Variants in PHF12 observed in about 807,000 individuals in gnomAD.
PHF12 encodes PHD finger protein 12.
PHF12 carries 6 observed loss-of-function variants against 99.8 expected under a neutral mutation model. That is an observed-to-expected ratio of 0.06 (90% CI 0.03 to 0.12). The LOEUF (loss-of-function observed/expected upper bound fraction) is 0.12, where lower values mean the gene tolerates loss of function less well. Ranked by LOEUF, PHF12 falls within the 10% of genes least tolerant of loss-of-function variation. PHF12 has a pLI of 1.00. For missense variants in PHF12, 954 were observed against 1,300.1 expected (o/e 0.73, Z 4.09); for synonymous variants, 480 against 514.9 (o/e 0.93, Z 0.92).
At chr17:28,944,237 A>G (rs969864990) in intron 2 of PHF12, among the ~76,000 whole-genome samples, 13 of 152,264 alleles carry the variant, frequency 8.5e-5, no homozygotes, top group Admixed American at 8.5e-4. Flanking sequence ...CTTAAGGAAC[A>G]GCAGCAGATT....
chr17:28,905,380 A>G lies in PHF12; in HGVS notation c.*803T>C. 6.5e-6 allele frequency: 1 copy of G among 152,770 alleles called. No individual in the cohort carries two copies. The allele number at this position is 152,770 out of a possible 1,614,324, so 9.5% of individuals were successfully genotyped here. A position where few individuals can be genotyped will look rare whatever the true frequency, so the allele number is the denominator to read the frequency against. On this transcript the variant is annotated 3_prime_UTR_variant, in exon 15 of 15. Transcript: ENST00000332830. ...AGAGGAGGGAACCAGGGGCAGGAGG[A>G]AGAGGAGAGAAGTGGCAAGAGAACA...
intron 11 of PHF12, 181 bp from the exon 12 acceptor site, chr17:28,909,062 C>A: frequency 1.6e-6 from 1 of 612,938 alleles, no homozygotes; most frequent in Non-Finnish European, 2.9e-6. Flanking sequence ...TCCCCACCCA[C>A]AGCATTTCCA....
At chr17:28,914,382 A>G (rs2040022674) in intron 7 of PHF12, among the ~76,000 whole-genome samples, 1 of 152,092 alleles carries the variant, frequency 6.6e-6, no homozygotes, top group South Asian at 2.1e-4. Context: ...TGAGAGATAA[A>G]AATGCTTAGG....
In PHF12 at chr17:28,912,665, C is replaced by T. The variant is rs762746936; in HGVS notation, c.1906G>A (p.Glu636Lys). 20 of 1,614,124 alleles carry T rather than the reference C, an allele frequency of 1.2e-5. No individual in the cohort carries two copies. The highest frequency in any genetic ancestry group is 1.2e-4 in the South Asian group (11 of 91,080). ...TTTCTTTGCAAAGTGCTGGTGTTCT[C>T]GATGCTGGCACAAGAGCTGGGAATG... ...PSIPSSCASIENTSTLQRKTV... is the reference protein window; with the variant it reads ...PSIPSSCASIKNTSTLQRKTV... The change falls in exon 9 of 15, where the codon GAG becomes AAG. Residue 636 changes from glutamate to lysine, a missense_variant. This residue lies in a region of PHF12 where 392 missense variants were observed against 423.1 expected (regional missense o/e 0.93). Coordinates refer to ENST00000332830, the MANE Select transcript of PHF12 (RefSeq NM_001033561.2).
chr17:28,922,572 T>A (rs947040011), intron 4 of PHF12, among the ~76,000 whole-genome samples: 2 of 152,180 alleles, frequency 1.3e-5, no homozygotes, highest in African/African-American at 4.8e-5. Context: ...CTATATAGTT[T>A]TGACCCAGCA....
At chr17:28,923,651 CACAAAAA>C (rs1470235340) in intron 4 of PHF12, among the ~76,000 whole-genome samples, 28 of 21,946 alleles carry the variant, frequency 1.3e-3, no homozygotes, top group Middle Eastern at 0.025. Context: ...AAGTGAGACT[CACAAAAA>C]AAAAAAAAAA....
intron 4 of PHF12, 86 bp downstream of exon 4, chr17:28,923,823 C>T (rs929109530): frequency 1.4e-6 from 2 of 1,449,938 alleles, no homozygotes; most frequent in African/African-American, 1.4e-5. Flanking sequence ...GCTACATGAA[C>T]AGTGACTCCA....
At chr17:28,929,605 CT>C (rs1279608121) in intron 2 of PHF12, 2 of 152,196 alleles carry the variant, frequency 1.3e-5, no homozygotes, top group Non-Finnish European at 2.9e-5. Context: ...TAAAATAGCA[CT>C]TGACTTGGCA....
chr17:28,911,044 T>C, intron 10 of PHF12, 68 bp downstream of exon 10: 1 of 1,600,416 alleles, frequency 6.2e-7, no homozygotes, highest in South Asian at 1.1e-5. Flanking sequence ...TGAAATGAGC[T>C]GAATGCTGTA....
chr17:28,930,032 T>G (rs975148742), intron 2 of PHF12: 15 of 152,228 alleles, frequency 9.9e-5, no homozygotes, highest in African/African-American at 3.4e-4. Flanking sequence ...ATATCCTACA[T>G]CAAACATTTA....
chr17:28,921,175 C>T (rs144653825), intron 5 of PHF12, among the ~76,000 whole-genome samples: 2,475 of 150,510 alleles, frequency 0.016, 59 homozygotes, highest in African/African-American at 0.057. Flanking sequence ...TGTGCCACAG[C>T]GCCCGGCCCC....
chr17:28,932,313 G>A (rs1469388939), intron 2 of PHF12, among the ~76,000 whole-genome samples: 1 of 152,048 alleles, frequency 6.6e-6, no homozygotes, highest in Non-Finnish European at 1.5e-5. Flanking sequence ...TATATTTTTT[G>A]TAGAAATAGG....
At chr17:28,946,833 C>T (rs935922930) in intron 2 of PHF12, among the ~76,000 whole-genome samples, 4 of 152,134 alleles carry the variant, frequency 2.6e-5, no homozygotes, top group African/African-American at 7.2e-5. Flanking sequence ...CCACCATACT[C>T]GGCTTCAACC....
intron 4 of PHF12, among the ~76,000 whole-genome samples, chr17:28,923,651 CACAAA>C (rs1377707366): frequency 1.3e-3 from 28 of 21,956 alleles, no homozygotes; most frequent in African/African-American, 6.0e-3. Context: ...AAGTGAGACT[CACAAA>C]AAAAAAAAAA....
In PHF12 at chr17:28,910,289, C is replaced by G; in HGVS notation, c.2296G>C (p.Val766Leu). 6.2e-7 allele frequency: 1 copy of G among 1,614,168 alleles called. No homozygotes were observed. Among genetic ancestry groups the G allele is most frequent in the Non-Finnish European group, 8.5e-7 (1 of 1,180,032 alleles). Residue 766 changes from valine (V) to leucine (L), a missense_variant, in exon 11 of 15, where the codon GTC (valine) becomes CTC (leucine). Coordinates refer to ENST00000332830, the MANE Select transcript of PHF12 (RefSeq NM_001033561.2). ...QRIHQLFPSRVQPSPGSVGTH... is the reference protein window; with the variant it reads ...QRIHQLFPSRLQPSPGSVGTH... The stretch of plus-strand genomic sequence containing the variant: ...CCGACACTGCCCGGTGAAGGTTGGA[C>G]CCGGGAGGGGAAAAGCTGATGTATT...
Position 28,949,105 on chromosome 17 carries a change from G to A in PHF12, c.248+960C>T, listed in dbSNP as rs149037656. ...CCCCTCCTCTCATGTCCAGTAAGGG[G>A]GAAAAAGCGTACGGCTTTCCAGCTC... On this transcript the variant is annotated intron_variant, in intron 2 of 14. Transcript: ENST00000332830. The surrounding 1 kb of genome is among the most constrained non-coding windows in gnomAD (Gnocchi z 4.6). 3.7e-3 allele frequency among the ~76,000 whole-genome samples: 565 copies of A among 152,272 alleles called. 7 individuals carry two copies. Among genetic ancestry groups the A allele is most frequent in the African/African-American group, 0.013 (529 of 41,558 alleles).
At chr17:28,936,222 G>C (rs2040506358) in intron 2 of PHF12, among the ~76,000 whole-genome samples, 1 of 152,104 alleles carries the variant, frequency 6.6e-6, no homozygotes, top group East Asian at 1.9e-4. Context: ...ATTTACTTCA[G>C]ATTTAGTCGC....
At chr17:28,943,533 G>A (rs2040660645) in intron 2 of PHF12, among the ~76,000 whole-genome samples, 1 of 152,174 alleles carries the variant, frequency 6.6e-6, no homozygotes, top group Admixed American at 6.5e-5. Flanking sequence ...GGGAGGCTGA[G>A]GCAGGAGAAT....
chr17:28,932,901 G>A (rs770532203), intron 2 of PHF12, among the ~76,000 whole-genome samples: 10 of 151,996 alleles, frequency 6.6e-5, no homozygotes, highest in African/African-American at 9.7e-5. Flanking sequence ...AGCCGAGACC[G>A]CATCACTGCA....
Sources: gnomAD v4.1 joint callset for allele counts (sites outside exome capture counted in the v4.1 genomes callset) on GRCh38, gnomAD v4.1.1 for gene constraint, gnomAD v4.1.1 regional missense constraint, Gnocchi (gnomAD v3.1) non-coding constraint, MANE v1.5 for transcripts, NCBI Gene and HGNC (gene_info 2026-07-23, HGNC 2026-07-21) for gene names.